LRRC37A3: variants seen among roughly 807,000 people sequenced by gnomAD.
The protein encoded by LRRC37A3 is leucine rich repeat containing 37 member A3.
In LRRC37A3, 25 loss-of-function variants were observed where a neutral mutation model predicts 106.2. That is an observed-to-expected ratio of 0.24 (90% CI 0.17 to 0.33). The LOEUF is 0.33. Among genes scored for constraint, LRRC37A3 ranks in the 10% least tolerant of loss-of-function variants. LRRC37A3 has a pLI of 1.00. For missense variants in LRRC37A3, 712 were observed against 1,644.9 expected (o/e 0.43, Z 9.81); for synonymous variants, 305 against 635.8 (o/e 0.48, Z 7.83).
chr17:64,855,181 G>A (rs938356827), intron 14 of LRRC37A3, among the ~76,000 whole-genome samples: 8 of 151,670 alleles, frequency 5.3e-5, no homozygotes, highest in African/African-American at 1.2e-4. Context: ...CCAAAAACCA[G>A]TAAGATGAGA....
rs553548107 is a variant in LRRC37A3, at chr17:64,890,195, T to A, written c.2682-443A>T. The stretch of plus-strand genomic sequence containing the variant: ...CCCCCCATCAAAAAAATTGGAGAAC[T>A]ATAATGTGCATAAAGTGCACATAAC... On this transcript the variant is annotated intron_variant, in intron 5 of 14. Transcript: ENST00000584306. Among the ~76,000 whole-genome samples, 5 of 137,680 alleles carry A rather than the reference T, an allele frequency of 3.6e-5. No homozygotes were observed. The East Asian group carries it at 9.9e-4, about 27-fold the overall frequency. 90.3% of individuals were successfully genotyped at this position (137,680 alleles called of 152,430 possible).
intron 8 of LRRC37A3, among the ~76,000 whole-genome samples, chr17:64,873,514 G>T (rs946520672): frequency 6.6e-6 from 1 of 151,102 alleles, no homozygotes; most frequent in East Asian, 1.9e-4. Flanking sequence ...TAAGAGAAAC[G>T]ATTCAGTTCT....
chr17:64,912,629 A>C (rs1169693995), intron 2 of LRRC37A3, among the ~76,000 whole-genome samples: 9 of 151,938 alleles, frequency 5.9e-5, no homozygotes, highest in Non-Finnish European at 1.3e-4. Context: ...ACAAATAATA[A>C]AAAGGAAACC....
At chr17:64,872,097 A>C (rs1402865626) in intron 8 of LRRC37A3, among the ~76,000 whole-genome samples, 1 of 141,714 alleles carries the variant, frequency 7.1e-6, no homozygotes, top group African/African-American at 2.7e-5. Context: ...ATGCCACTGC[A>C]CTCCAGCCTG....
At chr17:64,868,562 T>A in intron 9 of LRRC37A3, 26 bp from the exon 10 acceptor site, 2 of 1,586,748 alleles carry the variant, frequency 1.3e-6, no homozygotes. Flanking sequence ...GAAACATTCA[T>A]GATATGAGCC....
chr17:64,874,507 C>G (rs368107841), intron 8 of LRRC37A3, among the ~76,000 whole-genome samples: 1 of 151,212 alleles, frequency 6.6e-6, no homozygotes, highest in East Asian at 2.0e-4. Context: ...CCAGCCGCCC[C>G]GTCCGGGAGG....
At position 64,868,552 on chromosome 17, in the gene LRRC37A3, G is replaced by A. The variant is rs376180118; in HGVS notation, c.2979-16C>T. 653 of 1,598,994 alleles carry A rather than the reference G, an allele frequency of 4.1e-4. 4 individuals are homozygous for A. The African/African-American group carries it at 7.8e-3, about 19-fold the overall frequency. ...TCCCATGTCTCTGAAGAAGAAAGCC[G>A]AAACATTCATGATATGAGCCCCAAT... On this transcript the variant is annotated splice_polypyrimidine_tract_variant and intron_variant, in intron 9 of 14. Transcript: ENST00000584306.
intron 2 of LRRC37A3, among the ~76,000 whole-genome samples, chr17:64,916,542 C>T (rs546919405): frequency 1.1e-4 from 17 of 149,936 alleles, no homozygotes; most frequent in East Asian, 3.9e-4. Flanking sequence ...TTTGGGAGGC[C>T]GAGGCAGGCA....
chr17:64,868,292 G>A (rs963956118), intron 10 of LRRC37A3, among the ~76,000 whole-genome samples, 170 bp downstream of exon 10: 13 of 152,022 alleles, frequency 8.6e-5, no homozygotes, highest in Non-Finnish European at 1.9e-4. Context: ...TTGGGAATGT[G>A]GTGGTGGTTA....
At chr17:64,870,310 T>C (rs547689611) in intron 8 of LRRC37A3, among the ~76,000 whole-genome samples, 155 of 152,028 alleles carry the variant, frequency 1.0e-3, no homozygotes, top group Non-Finnish European at 1.5e-3. Flanking sequence ...CAAATGTTTA[T>C]TGAATAAACA....
intron 14 of LRRC37A3, among the ~76,000 whole-genome samples, chr17:64,855,280 A>G (rs1972639306): frequency 6.6e-6 from 1 of 150,882 alleles, no homozygotes; most frequent in Admixed American, 6.6e-5. Flanking sequence ...AAGAGGAAGG[A>G]CTCACATATC....
At chr17:64,854,739 C>T in intron 14 of LRRC37A3, 95 bp from the exon 15 acceptor site, 2 of 1,611,858 alleles carry the variant, frequency 1.2e-6, no homozygotes, top group Non-Finnish European at 1.7e-6. Flanking sequence ...CTGTGAGGGC[C>T]CCGTCATTTA....
intron 8 of LRRC37A3, chr17:64,871,788 C>T (rs1045309466): frequency 6.6e-6 from 1 of 152,078 alleles, no homozygotes; most frequent in Non-Finnish European, 1.5e-5. Context: ...ACCCAGTGAG[C>T]CTTCAGAGAT....
intron 5 of LRRC37A3, among the ~76,000 whole-genome samples, chr17:64,890,648 A>T (rs1973926640): frequency 7.5e-6 from 1 of 133,794 alleles, no homozygotes; most frequent in Non-Finnish European, 1.5e-5. Context: ...CCTGGCCAAC[A>T]TGGTGAAACC....
At chr17:64,878,984 T>A (rs897953451) in intron 8 of LRRC37A3, among the ~76,000 whole-genome samples, 1 of 152,178 alleles carries the variant, frequency 6.6e-6, no homozygotes, top group Non-Finnish European at 1.5e-5. Flanking sequence ...TACAATGGAA[T>A]ATCACTCAGC....
chr17:64,905,076 AATTT>A lies in LRRC37A3; in HGVS notation c.-495-6621_-495-6618del, dbSNP rs550501902. Among the ~76,000 whole-genome samples, 61 of 152,242 alleles carry A rather than the reference AATTT, an allele frequency of 4.0e-4. No homozygotes were observed. In the East Asian group the frequency reaches 0.011, roughly 27 times the overall value. ...AATTAATAAATCAATGTATTAAATA[AATTT>A]ATTAATTAATAAATCAATGTATTAA... On this transcript the variant is annotated intron_variant, in intron 2 of 14. Coordinates refer to ENST00000584306, the MANE Select transcript of LRRC37A3 (RefSeq NM_199340.5).
chr17:64,892,610 AAC>A lies in LRRC37A3; in HGVS notation c.2610-12_2610-11del, dbSNP rs1333247302. On this transcript the variant is annotated splice_polypyrimidine_tract_variant and intron_variant, in intron 4 of 14. Coordinates refer to ENST00000584306, the MANE Select transcript of LRRC37A3 (RefSeq NM_199340.5). ...GTTTCCTTGGAAATTTCTGTGAAGA[AAC>A]ACAGTTTATATCCTTGAATAGGTAG... 4 of 650,786 alleles carry A rather than the reference AAC, an allele frequency of 6.1e-6. No individual in the cohort carries two copies. The highest frequency in any genetic ancestry group is 5.4e-5 in the East Asian group (2 of 37,092). 40.3% of individuals were successfully genotyped at this position (650,786 alleles called of 1,614,324 possible).
intron 8 of LRRC37A3, among the ~76,000 whole-genome samples, chr17:64,878,213 A>G (rs1316767295): frequency 6.6e-6 from 1 of 152,254 alleles, no homozygotes; most frequent in Non-Finnish European, 1.5e-5. Context: ...AGAATGTCAG[A>G]CAGATGAAAG....
Position 64,860,051 on chromosome 17 carries a change from C to T in LRRC37A3, c.4095G>A (p.Leu1365=), listed in dbSNP as rs1972813868. ...SQGAFSSLRD[L]SPQENPFLEV... ...CCAGAAAAGGATTTTCTTGAGGACT[C>T]AGGTCTCTTAAGGATGAAAAAGCCC... is the stretch of plus-strand genomic sequence containing the variant. The change falls in exon 12 of 15, where the codon CTG becomes CTA. Residue 1365 remains leucine, a synonymous_variant. Coordinates refer to ENST00000584306, the MANE Select transcript of LRRC37A3 (RefSeq NM_199340.5). The T allele has an allele frequency of 6.2e-7, 1 of 1,613,826 alleles. No individual in the cohort carries two copies. The highest frequency in any genetic ancestry group is 1.3e-5 in the African/African-American group (1 of 74,894).
Sources: allele counts gnomAD v4.1 joint callset (sites outside exome capture counted in the v4.1 genomes callset), GRCh38; gene constraint gnomAD v4.1.1; transcripts MANE v1.5; gene names NCBI Gene and HGNC (gene_info 2026-07-23, HGNC 2026-07-21).